APTX: variants seen among roughly 807,000 people sequenced by gnomAD.
APTX encodes aprataxin, also known as forkhead-associated domain histidine triad-like protein.
A neutral mutation model predicts 42.3 loss-of-function variants in APTX; 33 were observed. That is an observed-to-expected ratio of 0.78 (90% CI 0.59 to 1.04). The LOEUF is 1.04. Ranked by LOEUF, APTX falls within the 50% of genes least tolerant of loss-of-function variation. The pLI, the probability that APTX is intolerant of heterozygous loss-of-function variation, is 0.00. For synonymous variants in APTX, 130 were observed against 146.7 expected (o/e 0.89, Z 0.82); for missense variants, 421 against 415.1 (o/e 1.01, Z -0.12).
At chr9:33,016,844 T>C (rs577317513) in intron 1 of APTX, among the ~76,000 whole-genome samples, 26 of 152,278 alleles carry the variant, frequency 1.7e-4, no homozygotes, top group African/African-American at 6.3e-4. Flanking sequence ...GGCTGGACGT[T>C]CTAAGAGGCC....
chr9:32,989,800 G>A lies in APTX; in HGVS notation c.92C>T (p.Pro31Leu). The A allele has an allele frequency of 6.2e-7, 1 of 1,614,200 alleles. No homozygotes were observed. Among genetic ancestry groups the A allele is most frequent in the South Asian group, 1.1e-5 (1 of 91,082 alleles). The change falls in exon 2 of 8, where the codon CCA (proline) becomes CTA (leucine). Residue 31 changes from proline (P) to leucine (L), a missense_variant. Transcript: ENST00000379817. The part of the protein sequence containing the change: ...HLEAVVIGRG[P>L]ETKITDKKCS... ...TTTCTTATCAGTGATCTTGGTCTCTGGGCCACGCCCAATCACAACTGCTTC... is the reference window on the plus strand; with the variant it reads ...TTTCTTATCAGTGATCTTGGTCTCTAGGCCACGCCCAATCACAACTGCTTC...
chr9:32,995,887 CAA>C (rs75109627), intron 1 of APTX, among the ~76,000 whole-genome samples: 18 of 100,634 alleles, frequency 1.8e-4, no homozygotes, highest in Admixed American at 2.2e-4. Context: ...GTCTCCGTCT[CAA>C]AAAAAAAAAA....
upstream of APTX, among the ~76,000 whole-genome samples, chr9:33,001,921 C>T (rs1485987213): frequency 1.3e-5 from 2 of 152,206 alleles, no homozygotes; most frequent in African/African-American, 4.8e-5. Flanking sequence ...GGCTGTGCAG[C>T]TTCTCGATAC....
At chr9:32,996,180 T>C (rs879115081) in intron 1 of APTX, among the ~76,000 whole-genome samples, 2 of 152,222 alleles carry the variant, frequency 1.3e-5, no homozygotes, top group African/African-American at 2.4e-5. Flanking sequence ...GTTCACTTTA[T>C]TGCAGTTGTC....
At position 32,987,399 on chromosome 9, in the gene APTX, T is replaced by A. The variant is rs1832447444; in HGVS notation, c.483+145A>T. On this transcript the variant is annotated intron_variant, in intron 4 of 7. Transcript: ENST00000379817. The stretch of plus-strand genomic sequence containing the variant: ...GCACATAAAGGAACATTCATCCAAA[T>A]GATTTTCACGCCACAAACAAGTGAC... 3.4e-6 allele frequency: 4 copies of A among 1,184,858 alleles called. No individual in the cohort carries two copies. The South Asian group carries it at 5.3e-5, about 16-fold the overall frequency. 73.4% of individuals were successfully genotyped at this position (1,184,858 alleles called of 1,614,324 possible).
At chr9:32,996,006 C>A (rs1485612038) in intron 1 of APTX, among the ~76,000 whole-genome samples, 1 of 152,048 alleles carries the variant, frequency 6.6e-6, no homozygotes, top group Admixed American at 6.6e-5. Context: ...AAAAAGATCA[C>A]AACTCACTGA....
rs750406680 is a variant in APTX, at chr9:32,973,641, T to C, written c.886A>G (p.Met296Val). ...GTTACTCTACCAGCCTCTTGTACCA[T>C]CTCGATCACAGCTGCAGGCAAGGAA... ...YFLESQAVIE[M>V]VQEAGRVTVR... The change falls in exon 8 of 8, where the codon ATG becomes GTG. Residue 296 changes from methionine (M) to valine (V), a missense_variant. Transcript: ENST00000379817. 3 of 1,609,752 alleles carry C rather than the reference T, an allele frequency of 1.9e-6. No homozygotes were observed. Among genetic ancestry groups the C allele is most frequent in the African/African-American group, 1.4e-5 (1 of 73,232 alleles).
intron 3 of APTX, 66 bp from the exon 4 acceptor site, chr9:32,987,912 T>G: frequency 1.3e-6 from 2 of 1,572,328 alleles, no homozygotes; most frequent in Non-Finnish European, 1.7e-6. Flanking sequence ...AGATAGCCAC[T>G]GCTATGTTAA....
At chr9:33,019,777 G>T (rs1467809888) in intron 1 of APTX, 4 of 600,864 alleles carry the variant, frequency 6.7e-6, no homozygotes, top group African/African-American at 3.9e-5. Flanking sequence ...AGTTGATAAG[G>T]GAAATTCGGA....
intron 1 of APTX, among the ~76,000 whole-genome samples, chr9:33,018,112 T>A (rs1021787575): frequency 4.0e-5 from 6 of 150,734 alleles, no homozygotes; most frequent in African/African-American, 1.5e-4. Flanking sequence ...TTTTATTTTT[T>A]ATTTAATTTT....
In APTX at chr9:33,021,076, C is replaced by A. The variant is rs138962117; in HGVS notation, c.-5+3947G>T. On this transcript the variant is annotated intron_variant, in intron 1 of 6. Transcript: ENST00000436040. The stretch of plus-strand genomic sequence containing the variant: ...CCTGGGAGGCGGAGGCTGCAGTGAG[C>A]CGAGATGGCTCCATTGCACTCCAGC... Among the ~76,000 whole-genome samples the A allele has an allele frequency of 5.2e-3, 786 of 151,576 alleles. 7 individuals carry two copies. Among genetic ancestry groups the A allele is most frequent in the African/African-American group, 0.018 (740 of 41,256 alleles).
chr9:33,006,999 CAAAAAAA>C (rs55924566), intron 1 of APTX, among the ~76,000 whole-genome samples: 3 of 49,444 alleles, frequency 6.1e-5, no homozygotes, highest in Admixed American at 2.9e-4. Context: ...GACTCTGTCT[CAAAAAAA>C]AAAAAAAAAA....
At chr9:32,974,903 T>TA (rs1450553138) in intron 6 of APTX, among the ~76,000 whole-genome samples, 4 of 152,016 alleles carry the variant, frequency 2.6e-5, no homozygotes, top group Non-Finnish European at 4.4e-5. Context: ...AAAAAAAACT[T>TA]AAAGAATTAA....
chr9:33,004,077 A>C (rs149141410), upstream of APTX, among the ~76,000 whole-genome samples: 124 of 152,380 alleles, frequency 8.1e-4, 3 homozygotes, highest in East Asian at 0.022. Flanking sequence ...ACACCACAGA[A>C]TACTACTCAG....
At chr9:32,985,189 A>T (rs902671997) in intron 5 of APTX, among the ~76,000 whole-genome samples, 1 of 152,246 alleles carries the variant, frequency 6.6e-6, no homozygotes, top group Non-Finnish European at 1.5e-5. Context: ...ATAAATTCAA[A>T]AGCATCCTTC....
intron 1 of APTX, among the ~76,000 whole-genome samples, chr9:33,016,614 A>T (rs938164511): frequency 2.0e-5 from 3 of 152,002 alleles, no homozygotes; most frequent in African/African-American, 7.3e-5. Flanking sequence ...TTGTCTCTGT[A>T]TTGAGGAAAA....
At chr9:32,994,706 T>C (rs1395346877) in intron 1 of APTX, among the ~76,000 whole-genome samples, 1 of 152,248 alleles carries the variant, frequency 6.6e-6, no homozygotes, top group African/African-American at 2.4e-5. Flanking sequence ...TACAATGATC[T>C]GTGATCAGTG....
In APTX at chr9:32,988,756, G is replaced by C. The variant is rs149972637; in HGVS notation, c.134-627C>G. Among the ~76,000 whole-genome samples, 181 of 150,036 alleles carry C rather than the reference G, an allele frequency of 1.2e-3. 1 individual carries two copies. The highest frequency in any genetic ancestry group is 2.2e-3 in the Non-Finnish European group (151 of 67,606). ...AACTCTTGACCAAGGATTAAATCAG[G>C]CTTCCACTATTATTTTGGAAAAACA... On this transcript the variant is annotated intron_variant, in intron 2 of 7. Coordinates refer to ENST00000379817, the MANE Select transcript of APTX (RefSeq NM_001195248.2).
chr9:32,989,870 C>T lies in APTX; in HGVS notation c.22G>A (p.Val8Met). 1.2e-6 allele frequency: 2 copies of T among 1,614,198 alleles called. No individual in the cohort carries two copies. The highest frequency in any genetic ancestry group is 1.1e-5 in the South Asian group (1 of 91,078). Reference sequence around the variant, plus strand: ...CGCTGGTGCCGGCTGTCCTGTCTCACCAACCAGCACACCCGCATCATCACT... The same window carrying T: ...CGCTGGTGCCGGCTGTCCTGTCTCATCAACCAGCACACCCGCATCATCACT... MMRVCWL[V>M]RQDSRHQRIR... The change falls in exon 2 of 8, where the codon GTG becomes ATG. Residue 8 changes from valine to methionine, a missense_variant. Transcript: ENST00000379817.
Sources: allele counts gnomAD v4.1 joint callset (sites outside exome capture counted in the v4.1 genomes callset), GRCh38; gene constraint gnomAD v4.1.1; transcripts MANE v1.5; gene names NCBI Gene and HGNC (gene_info 2026-07-23, HGNC 2026-07-21).